The following BRD10 variants were observed in gnomAD, a reference collection of about 807,000 sequenced individuals.
BRD10 encodes bromodomain containing 10, also known as uncharacterized bromodomain-containing protein 10.
the BRD10 span, among the ~76,000 whole-genome samples, chr9:5,927,812 G>A: frequency 6.6e-6 from 1 of 152,052 alleles, no homozygotes. Flanking sequence ...TCTACATGCT[G>A]GAAGGTCTAA....
At chr9:5,921,145 T>C in the BRD10 span, 20 of 1,613,828 alleles carry the variant, frequency 1.2e-5, no homozygotes, top group Middle Eastern at 1.6e-4. Context: ...TTGTTGACAA[T>C]GGCAAAATAT....
the BRD10 span, among the ~76,000 whole-genome samples, chr9:5,913,132 C>G: frequency 6.6e-6 from 1 of 152,102 alleles, no homozygotes; most frequent in African/African-American, 2.4e-5. Context: ...CAAGAGCTAG[C>G]CAAAAGATTT....
chr9:5,890,564 T>C, the BRD10 span, among the ~76,000 whole-genome samples: 4 of 152,062 alleles, frequency 2.6e-5, no homozygotes, highest in South Asian at 8.3e-4. Flanking sequence ...ATCAATTAGG[T>C]TGGTGCAAAA....
chr9:5,997,861 T>C, the BRD10 span, among the ~76,000 whole-genome samples: 3 of 152,102 alleles, frequency 2.0e-5, no homozygotes, highest in Non-Finnish European at 4.4e-5. Flanking sequence ...CTTACATGGA[T>C]AGCAAAGAAG....
At chr9:6,007,905 C>A in the BRD10 span, 1 of 1,353,206 alleles carries the variant, frequency 7.4e-7, no homozygotes, top group Non-Finnish European at 9.4e-7. Context: ...CCACATCGGG[C>A]CTGGCTCTCC....
chr9:5,980,155 G>T, the BRD10 span, among the ~76,000 whole-genome samples: 1 of 152,150 alleles, frequency 6.6e-6, no homozygotes, highest in Non-Finnish European at 1.5e-5. Context: ...ATGTGGTGGT[G>T]GTTGTGATTA....
chr9:5,965,373 T>C, the BRD10 span, among the ~76,000 whole-genome samples: 9 of 152,180 alleles, frequency 5.9e-5, 1 homozygote, highest in Non-Finnish European at 1.3e-4. Context: ...TTCAAGACTT[T>C]CCAGAGTCTT....
the BRD10 span, among the ~76,000 whole-genome samples, chr9:5,992,291 TTTGGAA>T: frequency 6.6e-6 from 1 of 152,190 alleles, no homozygotes; most frequent in Non-Finnish European, 1.5e-5. Context: ...ATAGAAAGTA[TTTGGAA>T]GAACACAAGC....
chr9:5,954,542 C>G, the BRD10 span, among the ~76,000 whole-genome samples: 6 of 152,198 alleles, frequency 3.9e-5, no homozygotes, highest in African/African-American at 1.4e-4. Flanking sequence ...TGAAAATCCC[C>G]TTAAGTAGCT....
the BRD10 span, among the ~76,000 whole-genome samples, chr9:5,940,967 T>C: frequency 6.6e-6 from 1 of 152,174 alleles, no homozygotes; most frequent in East Asian, 1.9e-4. Context: ...TTTTTCCTTA[T>C]AAATAACATA....
chr9:5,906,843 T>A, the BRD10 span: 1 of 1,294,986 alleles, frequency 7.7e-7, no homozygotes, highest in Non-Finnish European at 1.1e-6. Flanking sequence ...TGGATTCAGT[T>A]ACTTCTTCTC....
At chr9:5,973,176 GACA>G in the BRD10 span, among the ~76,000 whole-genome samples, 3 of 152,170 alleles carry the variant, frequency 2.0e-5, no homozygotes, top group African/African-American at 7.2e-5. Context: ...TCAAATACAT[GACA>G]ACAACAGTTG....
chr9:5,973,489 A>T, the BRD10 span, among the ~76,000 whole-genome samples: 2 of 152,222 alleles, frequency 1.3e-5, no homozygotes, highest in African/African-American at 4.8e-5. Flanking sequence ...TAATACTAAC[A>T]TAAAATAAAA....
the BRD10 span, among the ~76,000 whole-genome samples, chr9:5,892,803 A>T: frequency 6.6e-6 from 1 of 152,170 alleles, no homozygotes; most frequent in East Asian, 1.9e-4. Context: ...TGCACTTTTG[A>T]CTATTGGGTC....
the BRD10 span, among the ~76,000 whole-genome samples, chr9:5,906,159 T>G: frequency 1.3e-5 from 2 of 149,574 alleles, no homozygotes; most frequent in African/African-American, 4.9e-5. Flanking sequence ...AAGACCAGCC[T>G]AGGCAACTTA....
At chr9:5,924,768 G>A in the BRD10 span, 2 of 1,604,726 alleles carry the variant, frequency 1.2e-6, no homozygotes, top group Non-Finnish European at 1.7e-6. Flanking sequence ...ACCTTCATCA[G>A]TGGTCCATAG....
chr9:5,946,144 A>G, the BRD10 span, among the ~76,000 whole-genome samples: 1 of 152,096 alleles, frequency 6.6e-6, no homozygotes, highest in East Asian at 1.9e-4. Context: ...GTTAAACCAT[A>G]TGAAATTGCT....
the BRD10 span, among the ~76,000 whole-genome samples, chr9:5,899,868 C>T: frequency 6.6e-6 from 1 of 152,140 alleles, no homozygotes; most frequent in South Asian, 2.1e-4. Context: ...CCATTGTCTG[C>T]CATTGAGTTG....
At chr9:5,936,638 C>T in the BRD10 span, among the ~76,000 whole-genome samples, 1 of 152,084 alleles carries the variant, frequency 6.6e-6, no homozygotes, top group Non-Finnish European at 1.5e-5. Context: ...TAGTAAGATG[C>T]TAAGAAAGTT....
Sources: allele counts gnomAD v4.1 joint callset (sites outside exome capture counted in the v4.1 genomes callset), GRCh38; gene constraint gnomAD v4.1.1; transcripts MANE v1.5; gene names NCBI Gene and HGNC (gene_info 2026-07-23, HGNC 2026-07-21).